The following ZFAT variants were observed in gnomAD, a reference collection of about 807,000 sequenced individuals.
ZFAT encodes the protein zinc finger protein ZFAT.
Under a neutral mutation model 117.7 loss-of-function variants are expected in ZFAT, and 64 were observed. That is an observed-to-expected ratio of 0.54 (90% CI 0.44 to 0.67). The LOEUF (loss-of-function observed/expected upper bound fraction) is 0.67, where lower values mean the gene tolerates loss of function less well. ZFAT is among the 30% of genes least tolerant of loss of function. ZFAT has a pLI of 0.00. For synonymous variants in ZFAT, 679 were observed against 615.0 expected, an observed-to-expected ratio of 1.10 and a Z score of -1.54; for missense variants, 1,433 against 1,584.5, an observed-to-expected ratio of 0.90 and a Z score of 1.62.
At chr8:134,667,380 C>G (rs1305831252) in intron 1 of ZFAT, among the ~76,000 whole-genome samples, 1 of 151,206 alleles carries the variant, frequency 6.6e-6, no homozygotes, top group African/African-American at 2.4e-5. Flanking sequence ...GTAGTCCCAG[C>G]TACTTGGGAG....
At chr8:134,597,866 A>G (rs1349200861) in intron 7 of ZFAT, 1 of 152,244 alleles carries the variant, frequency 6.6e-6, no homozygotes, top group Non-Finnish European at 1.5e-5. Flanking sequence ...GCAGGCTAGC[A>G]TATCTCTTTT....
chr8:134,639,820 T>A, intron 2 of ZFAT: 1 of 456,028 alleles, frequency 2.2e-6, no homozygotes, highest in South Asian at 1.5e-5. Context: ...GCCTAAGAGT[T>A]TACTGAAGCC....
chr8:134,624,180 GCACACACACACACACA>G (rs57195425), intron 3 of ZFAT, among the ~76,000 whole-genome samples: 7 of 146,190 alleles, frequency 4.8e-5, no homozygotes, highest in Non-Finnish European at 1.0e-4. Context: ...ATGTGCACAT[GCACACACACACACACA>G]CACACACACA....
chr8:134,574,636 G>GA (rs1405208392), intron 10 of ZFAT, among the ~76,000 whole-genome samples: 1 of 152,020 alleles, frequency 6.6e-6, no homozygotes, highest in African/African-American at 2.4e-5. Flanking sequence ...AATTCCTTGG[G>GA]ATTTAAGGCA....
intron 2 of ZFAT, among the ~76,000 whole-genome samples, chr8:134,654,495 C>T (rs1436639401): frequency 6.6e-6 from 1 of 152,152 alleles, no homozygotes; most frequent in Non-Finnish European, 1.5e-5. Context: ...GCCTAGAGGA[C>T]CTCCAGCTGT....
chr8:134,795,878 G>GGAGAAGGCC, the ZFAT span: 1 of 152,230 alleles, frequency 6.6e-6, no homozygotes, highest in African/African-American at 2.4e-5. Flanking sequence ...GAGGAGAGCT[G>GGAGAAGGCC]GAGAAGGCCA....
At chr8:134,521,808 G>A (rs1820679683) in intron 12 of ZFAT, among the ~76,000 whole-genome samples, 1 of 152,198 alleles carries the variant, frequency 6.6e-6, no homozygotes, top group Admixed American at 6.5e-5. Flanking sequence ...CTAGTCTACT[G>A]GCCTGAGCCA....
the ZFAT span, among the ~76,000 whole-genome samples, chr8:134,804,021 G>T: frequency 6.6e-6 from 1 of 152,124 alleles, no homozygotes; most frequent in Non-Finnish European, 1.5e-5. Flanking sequence ...ATGTTTTCCA[G>T]TGTCTGAAAG....
At chr8:134,704,853 A>G (rs1834105557) in intron 1 of ZFAT, among the ~76,000 whole-genome samples, 2 of 152,190 alleles carry the variant, frequency 1.3e-5, no homozygotes, top group Non-Finnish European at 2.9e-5. Flanking sequence ...AACTTATTAG[A>G]GATAGACAGT....
chr8:134,829,671 T>C, the ZFAT span, among the ~76,000 whole-genome samples: 1 of 152,236 alleles, frequency 6.6e-6, no homozygotes, highest in Admixed American at 6.5e-5. Context: ...TATAACCAAC[T>C]AGTAATTAAT....
chr8:134,497,754 C>T (rs1818584632), intron 15 of ZFAT, among the ~76,000 whole-genome samples: 2 of 103,740 alleles, frequency 1.9e-5, no homozygotes, highest in Non-Finnish European at 2.0e-5. Context: ...GATGCCCCTG[C>T]TGCTGGTTAC....
chr8:134,559,115 C>G (rs1215373420), intron 11 of ZFAT, among the ~76,000 whole-genome samples: 2 of 152,112 alleles, frequency 1.3e-5, no homozygotes, highest in Non-Finnish European at 1.5e-5. Flanking sequence ...CTGTTTTTTA[C>G]TTAAATTATT....
intron 1 of ZFAT, among the ~76,000 whole-genome samples, chr8:134,706,265 T>C (rs984325717): frequency 7.9e-5 from 12 of 152,330 alleles, no homozygotes; most frequent in African/African-American, 2.9e-4. Flanking sequence ...AAATAGACTA[T>C]GGCTGTATCC....
intron 11 of ZFAT, among the ~76,000 whole-genome samples, chr8:134,558,018 A>AGG (rs1823779061): frequency 6.6e-6 from 1 of 152,228 alleles, no homozygotes; most frequent in Non-Finnish European, 1.5e-5. Flanking sequence ...AGAACCTCAC[A>AGG]GGGAAGTGTT....
intron 12 of ZFAT, among the ~76,000 whole-genome samples, chr8:134,531,090 C>T (rs1043529305): frequency 5.3e-5 from 8 of 152,148 alleles, no homozygotes; most frequent in African/African-American, 1.9e-4. Flanking sequence ...TATAAAACCC[C>T]GCTCCTGTCA....
intron 5 of ZFAT, among the ~76,000 whole-genome samples, chr8:134,605,481 G>A (rs1168093678): frequency 2.6e-5 from 4 of 151,478 alleles, no homozygotes; most frequent in Admixed American, 2.0e-4. Flanking sequence ...AGGGGGTGGA[G>A]CTTGCAGTGA....
At chr8:134,560,009 A>T (rs1189688087) in intron 11 of ZFAT, among the ~76,000 whole-genome samples, 1 of 152,210 alleles carries the variant, frequency 6.6e-6, no homozygotes. Flanking sequence ...TTATCTTAAA[A>T]TCCATTCTCA....
Position 134,599,374 on chromosome 8 carries a change from T to C in ZFAT, c.2475+1062A>G, listed in dbSNP as rs544700031. 254 of 194,036 alleles carry C rather than the reference T, an allele frequency of 1.3e-3. 1 individual carries two copies. The highest frequency in any genetic ancestry group is 5.9e-3 in the African/African-American group (246 of 41,836). The allele number at this position is 194,036 out of a possible 1,614,324, so 12.0% of individuals were successfully genotyped here. A position where few individuals can be genotyped will look rare whatever the true frequency, so the allele number is the denominator to read the frequency against. On this transcript the variant is annotated intron_variant, in intron 7 of 15. Transcript: ENST00000377838. The stretch of plus-strand genomic sequence containing the variant: ...ATAAGCACGTGTATAAATACATGTA[T>C]ATACACATCTGTATATGTGTGTATA...
intron 11 of ZFAT, among the ~76,000 whole-genome samples, chr8:134,546,296 C>G (rs779647961): frequency 6.6e-6 from 1 of 152,202 alleles, no homozygotes; most frequent in Non-Finnish European, 1.5e-5. Context: ...CTTGATCATG[C>G]AAGTGCTTCC....
Sources: gnomAD v4.1 joint callset for allele counts (sites outside exome capture counted in the v4.1 genomes callset) on GRCh38, gnomAD v4.1.1 for gene constraint, MANE v1.5 for transcripts, NCBI Gene and HGNC (gene_info 2026-07-23, HGNC 2026-07-21) for gene names.